The following CDC42BPA variants were observed in gnomAD, a reference collection of about 807,000 sequenced individuals.
CDC42BPA encodes CDC42 binding protein kinase alpha.
Under a neutral mutation model 223.5 loss-of-function variants are expected in CDC42BPA, and 80 were observed. The observed-to-expected ratio is 0.36, with a 90% CI of 0.30 to 0.43. CDC42BPA has a LOEUF of 0.43. Ranked by LOEUF, CDC42BPA falls within the 20% of genes least tolerant of loss-of-function variation. The probability of loss-of-function intolerance (pLI) is 1.00; values close to 1 mark genes in which losing one functional copy is unlikely to be tolerated. For missense variants in CDC42BPA, 1,743 were observed against 2,099.9 expected (o/e 0.83, Z 3.32); for synonymous variants, 694 against 718.6 (o/e 0.97, Z 0.55).
In CDC42BPA at chr1:227,017,036, C is replaced by T; in HGVS notation, c.4630G>A (p.Val1544Ile). 1 of 1,610,582 alleles carries T rather than the reference C, an allele frequency of 6.2e-7. No homozygotes were observed. The highest frequency in any genetic ancestry group is 8.5e-7 in the Non-Finnish European group (1 of 1,178,460). The change falls in exon 33 of 37, where the codon GTA becomes ATA. Residue 1544 changes from valine to isoleucine, a missense_variant. Transcript: ENST00000366766. ...KNKMAEGDELVVPETSDNSRK... is the reference protein window; with the variant it reads ...KNKMAEGDELIVPETSDNSRK... ...CTATTATCTGATGTTTCAGGTACTA[C>T]CAGTTCGTCCCCTTCTGTTAAAATA... is the stretch of plus-strand genomic sequence containing the variant.
At chr1:227,060,716 A>AGTTTTTTTTTTT (rs1373925166) in intron 21 of CDC42BPA, among the ~76,000 whole-genome samples, 3 of 126,526 alleles carry the variant, frequency 2.4e-5, no homozygotes, top group African/African-American at 6.0e-5. Flanking sequence ...GTAAATAGGT[A>AGTTTTTTTTTTT]CTTTTTTTTT....
At chr1:227,067,635 C>CA (rs1677370506) in intron 21 of CDC42BPA, among the ~76,000 whole-genome samples, 1 of 152,034 alleles carries the variant, frequency 6.6e-6, no homozygotes, top group Admixed American at 6.5e-5. Flanking sequence ...TTGAGAATAG[C>CA]AAAACACTTT....
At chr1:227,179,614 C>G (rs1292929559) in intron 5 of CDC42BPA, among the ~76,000 whole-genome samples, 1 of 105,062 alleles carries the variant, frequency 9.5e-6, no homozygotes, top group Non-Finnish European at 1.7e-5. Flanking sequence ...CCAGCCTGGG[C>G]AACAGAGCGA....
chr1:227,149,283 A>G (rs1009078354), intron 6 of CDC42BPA, among the ~76,000 whole-genome samples: 1 of 152,204 alleles, frequency 6.6e-6, no homozygotes, highest in Non-Finnish European at 1.5e-5. Flanking sequence ...CTGTGGTTGA[A>G]AAGTTCCCAA....
chr1:227,204,388 A>G (rs1672308107), intron 3 of CDC42BPA, among the ~76,000 whole-genome samples: 1 of 152,218 alleles, frequency 6.6e-6, no homozygotes, highest in Non-Finnish European at 1.5e-5. Context: ...ACATGTTTAC[A>G]TACTATGAGT....
chr1:227,141,722 C>T (rs557389091), intron 9 of CDC42BPA, among the ~76,000 whole-genome samples: 8 of 152,260 alleles, frequency 5.3e-5, no homozygotes, highest in Admixed American at 2.0e-4. Context: ...GGCCAGAGGA[C>T]GGCTTGAGGA....
At chr1:227,011,570 A>G (rs772580263) in intron 34 of CDC42BPA, among the ~76,000 whole-genome samples, 1 of 152,196 alleles carries the variant, frequency 6.6e-6, no homozygotes, top group Non-Finnish European at 1.5e-5. Flanking sequence ...TATAACAGTT[A>G]ACCATGGAAT....
chr1:227,253,235 A>C (rs143567550), intron 2 of CDC42BPA, among the ~76,000 whole-genome samples: 4 of 114,760 alleles, frequency 3.5e-5, no homozygotes, highest in Admixed American at 9.0e-5. Flanking sequence ...GGAGGGAGAG[A>C]GAGAAAGAGA....
At chr1:227,103,009 T>C (rs191491742) in intron 14 of CDC42BPA, among the ~76,000 whole-genome samples, 2 of 152,212 alleles carry the variant, frequency 1.3e-5, no homozygotes, top group East Asian at 3.9e-4. Context: ...AGTATCCATT[T>C]TGAGCTATCA....
chr1:227,174,847 CCACTAAGTTT>C (rs1666691603), intron 5 of CDC42BPA, among the ~76,000 whole-genome samples: 2 of 152,148 alleles, frequency 1.3e-5, no homozygotes, highest in South Asian at 2.1e-4. Context: ...CACGTATATT[CCACTAAGTTT>C]CACTAAGTTT....
chr1:227,107,000 T>G (rs1235498410), intron 14 of CDC42BPA, among the ~76,000 whole-genome samples: 1 of 152,208 alleles, frequency 6.6e-6, no homozygotes, highest in Admixed American at 6.5e-5. Context: ...CTCCTCCAAC[T>G]TTGTCCTTTT....
chr1:227,035,686 G>T, intron 24 of CDC42BPA, 79 bp from the exon 25 acceptor site: 1 of 993,332 alleles, frequency 1.0e-6, no homozygotes, highest in Non-Finnish European at 1.5e-6. Flanking sequence ...CTGCATACAA[G>T]ATGCTATGTT....
chr1:227,189,709 A>G (rs1210016107), intron 5 of CDC42BPA, among the ~76,000 whole-genome samples: 1 of 152,170 alleles, frequency 6.6e-6, no homozygotes, highest in Non-Finnish European at 1.5e-5. Flanking sequence ...ACCTTTGTGC[A>G]AATTTTTTCA....
chr1:227,133,096 G>GCT (rs1553354687), intron 10 of CDC42BPA, among the ~76,000 whole-genome samples: 1 of 141,420 alleles, frequency 7.1e-6, no homozygotes, highest in Non-Finnish European at 1.6e-5. Context: ...GGGGGGGTCA[G>GCT]CCCCCCGCCC....
intron 21 of CDC42BPA, among the ~76,000 whole-genome samples, chr1:227,064,264 C>G (rs1212774168): frequency 1.3e-5 from 2 of 152,048 alleles, no homozygotes; most frequent in Non-Finnish European, 2.9e-5. Flanking sequence ...TTTTTGTGAA[C>G]TGGGACTAAA....
intron 35 of CDC42BPA, among the ~76,000 whole-genome samples, chr1:226,999,846 G>A (rs1662406208): frequency 6.6e-6 from 1 of 150,628 alleles, no homozygotes; most frequent in Non-Finnish European, 1.5e-5. Context: ...AACTAACACA[G>A]GAACAGAAAA....
At chr1:227,271,064 C>T (rs1292780588) in intron 1 of CDC42BPA, among the ~76,000 whole-genome samples, 2 of 152,056 alleles carry the variant, frequency 1.3e-5, no homozygotes, top group African/African-American at 4.8e-5. Flanking sequence ...ATGTAAGTAC[C>T]TGTTTGAGTC....
At chr1:227,234,011 T>C (rs1335922109) in intron 2 of CDC42BPA, among the ~76,000 whole-genome samples, 2 of 152,192 alleles carry the variant, frequency 1.3e-5, no homozygotes, top group African/African-American at 4.8e-5. Flanking sequence ...TCTATTTATC[T>C]TTTAGGTTCA....
intron 6 of CDC42BPA, among the ~76,000 whole-genome samples, chr1:227,156,713 G>A (rs933811562): frequency 6.6e-5 from 10 of 152,094 alleles, no homozygotes; most frequent in East Asian, 1.9e-4. Context: ...TTTGCATTTC[G>A]AATGCATTCA....
Sources: allele counts gnomAD v4.1 joint callset (sites outside exome capture counted in the v4.1 genomes callset), GRCh38; gene constraint gnomAD v4.1.1; transcripts MANE v1.5; gene names NCBI Gene and HGNC (gene_info 2026-07-23, HGNC 2026-07-21).